MAPK9: variants seen among roughly 807,000 people sequenced by gnomAD.
MAPK9 encodes the protein mitogen-activated protein kinase 9.
MAPK9 carries 30 observed loss-of-function variants against 57.1 expected under a neutral mutation model. That is an observed-to-expected ratio of 0.53 (90% CI 0.39 to 0.71). The LOEUF is 0.71. Ranked by LOEUF, MAPK9 falls within the 30% of genes least tolerant of loss-of-function variation. The pLI, the probability that MAPK9 is intolerant of heterozygous loss-of-function variation, is 0.00. For synonymous variants in MAPK9, 155 were observed against 177.0 expected, an observed-to-expected ratio of 0.88 and a Z score of 0.99; for missense variants, 362 against 521.0, an observed-to-expected ratio of 0.69 and a Z score of 2.97.
Position 180,236,362 on chromosome 5 carries a change from C to T in MAPK9, c.*22G>A. 6.3e-7 allele frequency: 1 copy of T among 1,586,438 alleles called. No individual in the cohort carries two copies. Among genetic ancestry groups the T allele is most frequent in the South Asian group, 1.1e-5 (1 of 88,790 alleles). On this transcript the variant is annotated 3_prime_UTR_variant, in exon 12 of 12. Transcript: ENST00000452135. Reference sequence around the variant, plus strand: ...GAGGTGAGAGTTCCTTCAATGCTGACAGGTTTGCTATTTCTAACCTATCAT... The same window carrying T: ...GAGGTGAGAGTTCCTTCAATGCTGATAGGTTTGCTATTTCTAACCTATCAT...
In MAPK9 at chr5:180,269,370, G is replaced by A; in HGVS notation, c.162C>T (p.Val54=). Residue 54 remains valine (V), a synonymous_variant, in exon 3 of 12, where the codon GTC becomes GTT. Coordinates refer to ENST00000452135, the MANE Select transcript of MAPK9 (RefSeq NM_002752.5). ...TCTGAAAAGGACGGCTTAGTTTCTT[G>A]ACTGCAACATTTATCCCAAGAACTG... ...FDTVLGINVA[V]KKLSRPFQNQ... 1 of 1,614,044 alleles carries A rather than the reference G, an allele frequency of 6.2e-7. No individual in the cohort carries two copies.
At chr5:180,239,818 G>T in intron 10 of MAPK9, 106 bp downstream of exon 10, 1 of 1,104,890 alleles carries the variant, frequency 9.1e-7, no homozygotes, top group Non-Finnish European at 1.4e-6. Context: ...GGGTCGCAGG[G>T]TTTCTTGCCC....
intron 5 of MAPK9, among the ~76,000 whole-genome samples, chr5:180,251,518 C>T (rs901133438): frequency 2.0e-5 from 3 of 152,212 alleles, no homozygotes; most frequent in Non-Finnish European, 2.9e-5. Context: ...AAGTCCCAAG[C>T]TTGTGTGGGT....
At chr5:180,286,727 T>C (rs925337663) in intron 1 of MAPK9, among the ~76,000 whole-genome samples, 1 of 152,188 alleles carries the variant, frequency 6.6e-6, no homozygotes, top group African/African-American at 2.4e-5. Context: ...TCGTGGCTCC[T>C]TGGACCAGCG....
intron 1 of MAPK9, among the ~76,000 whole-genome samples, chr5:180,282,342 T>C (rs1045339190): frequency 6.6e-6 from 1 of 152,190 alleles, no homozygotes; most frequent in African/African-American, 2.4e-5. Context: ...AGATATGCCA[T>C]AGTCAGCTAG....
chr5:180,281,243 G>A (rs925481089), intron 1 of MAPK9, among the ~76,000 whole-genome samples: 6 of 152,166 alleles, frequency 3.9e-5, no homozygotes, highest in Admixed American at 6.5e-5. Context: ...CATCACCACC[G>A]GACTTCAGGG....
At chr5:180,238,708 A>G (rs963567943) in intron 10 of MAPK9, among the ~76,000 whole-genome samples, 7 of 148,142 alleles carry the variant, frequency 4.7e-5, no homozygotes, top group Non-Finnish European at 1.0e-4. Context: ...TCCTGGATTC[A>G]AGTGATTCTC....
At chr5:180,270,678 T>C (rs915903393) in intron 2 of MAPK9, among the ~76,000 whole-genome samples, 24 of 152,086 alleles carry the variant, frequency 1.6e-4, no homozygotes, top group South Asian at 6.2e-4. Context: ...CAGTGAAACC[T>C]TGTCTGTACA....
At chr5:180,285,072 A>G (rs1461838580) in intron 1 of MAPK9, among the ~76,000 whole-genome samples, 3 of 152,232 alleles carry the variant, frequency 2.0e-5, no homozygotes, top group Non-Finnish European at 4.4e-5. Flanking sequence ...CTGCAGAATG[A>G]TCATTTGACA....
At chr5:180,278,960 T>TC (rs201452071) in intron 2 of MAPK9, among the ~76,000 whole-genome samples, 3,426 of 150,362 alleles carry the variant, frequency 0.023, 57 homozygotes, top group Non-Finnish European at 0.035. Context: ...TTTAAAACTT[T>TC]TTTTTTTTTT....
At chr5:180,245,915 G>C (rs986880525) in intron 7 of MAPK9, 1 of 152,180 alleles carries the variant, frequency 6.6e-6, no homozygotes, top group Non-Finnish European at 1.5e-5. Context: ...ATATTTGAAA[G>C]AGTTGGCAAA....
intron 5 of MAPK9, among the ~76,000 whole-genome samples, chr5:180,259,105 C>A (rs1412576584): frequency 6.6e-6 from 1 of 152,062 alleles, no homozygotes; most frequent in Middle Eastern, 3.4e-3. Context: ...AAATCTCATA[C>A]CAGAGAGAAA....
intron 1 of MAPK9, among the ~76,000 whole-genome samples, chr5:180,284,660 G>C (rs562040166): frequency 2.0e-5 from 3 of 152,164 alleles, no homozygotes; most frequent in African/African-American, 7.2e-5. Flanking sequence ...TGACAAATAC[G>C]TGTACAAGTA....
chr5:180,245,844 A>C (rs1245381133), intron 7 of MAPK9, among the ~76,000 whole-genome samples: 3 of 152,168 alleles, frequency 2.0e-5, no homozygotes, highest in South Asian at 2.1e-4. Flanking sequence ...AATTAAAGCA[A>C]ATCTCTGAGA....
chr5:180,286,027 C>T (rs1762718410), intron 1 of MAPK9, among the ~76,000 whole-genome samples: 2 of 147,072 alleles, frequency 1.4e-5, no homozygotes, highest in Admixed American at 6.8e-5. Flanking sequence ...TTGCAGTGAG[C>T]CAAGATCACA....
chr5:180,252,826 G>GA (rs1454705528), intron 5 of MAPK9, among the ~76,000 whole-genome samples: 1 of 152,186 alleles, frequency 6.6e-6, no homozygotes, highest in African/African-American at 2.4e-5. Flanking sequence ...TGAATAACAG[G>GA]AAAGGGTAGG....
chr5:180,261,870 C>G (rs367801484), intron 4 of MAPK9, 48 bp from the exon 5 acceptor site: 9 of 1,509,496 alleles, frequency 6.0e-6, no homozygotes, highest in Non-Finnish European at 7.2e-6. Context: ...TCCAAAGTTC[C>G]TTTATGACTA....
chr5:180,289,207 AT>A (rs1173988486), intron 1 of MAPK9, among the ~76,000 whole-genome samples: 1 of 152,180 alleles, frequency 6.6e-6, no homozygotes, highest in East Asian at 1.9e-4. Flanking sequence ...CCTTTTCTTT[AT>A]CCAGAAAATT....
At position 180,241,104 on chromosome 5, in the gene MAPK9, T is replaced by C; in HGVS notation, c.923A>G (p.Lys308Arg). 1 of 1,614,124 alleles carries C rather than the reference T, an allele frequency of 6.2e-7. No individual in the cohort carries two copies. Among genetic ancestry groups the C allele is most frequent in the Non-Finnish European group, 8.5e-7 (1 of 1,180,002 alleles). Reference protein sequence around the residue: ...LSKMLVIDPDKRISVDEALRH... With the variant: ...LSKMLVIDPDRRISVDEALRH... ...CAGAGCTTCGTCTACAGAGATCCGC[T>C]TGTCAGGATCAATCACTAACATTTT... Residue 308 changes from lysine (K) to arginine (R), a missense_variant, in exon 9 of 12, where the codon AAG becomes AGG. Physicochemically the swap from Lys to Arg is conservative, Grantham distance 26 (BLOSUM62 2). Coordinates refer to ENST00000452135, the MANE Select transcript of MAPK9 (RefSeq NM_002752.5).
Sources: gnomAD v4.1 joint callset for allele counts (sites outside exome capture counted in the v4.1 genomes callset) on GRCh38, gnomAD v4.1.1 for gene constraint, MANE v1.5 for transcripts, NCBI Gene and HGNC (gene_info 2026-07-23, HGNC 2026-07-21) for gene names.